Variants in BLVRA observed in about 807,000 individuals in gnomAD.
The protein encoded by BLVRA is biliverdin reductase A.
In BLVRA, 22 loss-of-function variants were observed where a neutral mutation model predicts 32.8. The observed-to-expected ratio is 0.67, with a 90% CI of 0.48 to 0.96. The LOEUF is 0.96. Among genes scored for constraint, BLVRA ranks in the 40% least tolerant of loss-of-function variants. The probability of loss-of-function intolerance (pLI) is 0.00; values close to 1 mark genes in which losing one functional copy is unlikely to be tolerated. For missense variants in BLVRA, 323 were observed against 358.1 expected (o/e 0.90, Z 0.79); for synonymous variants, 119 against 141.3 (o/e 0.84, Z 1.12).
chr7:43,794,579 A>T (rs923159281), intron 5 of BLVRA, among the ~76,000 whole-genome samples: 1 of 152,182 alleles, frequency 6.6e-6, no homozygotes, highest in East Asian at 1.9e-4. Flanking sequence ...TACTAAAAAT[A>T]AAAAAATTAG....
chr7:43,803,588 C>T, intron 6 of BLVRA, 88 bp from the exon 7 acceptor site: 1 of 1,451,472 alleles, frequency 6.9e-7, no homozygotes, highest in Non-Finnish European at 9.6e-7. Context: ...CACATCTTTT[C>T]ACACCCCCGC....
At chr7:43,772,387 T>C (rs990886099) in intron 2 of BLVRA, among the ~76,000 whole-genome samples, 7 of 152,234 alleles carry the variant, frequency 4.6e-5, no homozygotes, top group African/African-American at 1.7e-4. Context: ...TCCTTCGGTC[T>C]TATTGGCCAG....
At chr7:43,797,556 G>C (rs903865288) in intron 5 of BLVRA, among the ~76,000 whole-genome samples, 1 of 152,176 alleles carries the variant, frequency 6.6e-6, no homozygotes, top group Non-Finnish European at 1.5e-5. Flanking sequence ...GTGGTGGTCT[G>C]GAATGAAACC....
chr7:43,799,000 G>A (rs2095795825), intron 5 of BLVRA, among the ~76,000 whole-genome samples: 1 of 152,074 alleles, frequency 6.6e-6, no homozygotes, highest in Non-Finnish European at 1.5e-5. Context: ...GGCAGTGGGC[G>A]AAACTACCTG....
intron 1 of BLVRA, among the ~76,000 whole-genome samples, chr7:43,759,385 A>G (rs2095739850): frequency 6.6e-6 from 1 of 152,278 alleles, no homozygotes; most frequent in Non-Finnish European, 1.5e-5. Context: ...AATTATAAAA[A>G]GAATGAGACA....
chr7:43,789,876 C>CGTGT (rs141385505), intron 3 of BLVRA, among the ~76,000 whole-genome samples: 31,994 of 149,000 alleles, frequency 0.21, 4,011 homozygotes, highest in Non-Finnish European at 0.28. Context: ...GTGGTATGTA[C>CGTGT]GTGTGTGTGT....
intron 1 of BLVRA, among the ~76,000 whole-genome samples, chr7:43,763,263 C>G (rs1248381525): frequency 6.6e-6 from 1 of 152,188 alleles, no homozygotes; most frequent in East Asian, 1.9e-4. Flanking sequence ...CCTTCCAGAC[C>G]TGCTGTGGCC....
chr7:43,784,580 C>A (rs946914776), intron 2 of BLVRA, among the ~76,000 whole-genome samples: 1 of 151,020 alleles, frequency 6.6e-6, no homozygotes, highest in African/African-American at 2.4e-5. Flanking sequence ...ATTAAGATAC[C>A]AGTGTCTTCA....
rs1404895655 is a variant in BLVRA at position 43,759,116 on chromosome 7, C to T, written c.-22+382C>T. On this transcript the variant is annotated intron_variant, in intron 1 of 7. Coordinates refer to ENST00000265523, the MANE Select transcript of BLVRA (RefSeq NM_000712.4). ...CTCCAGGAGCGCGAGCGGCTGGGCCCGGGCGTAGCCACCGCAGGGCCGCTA... is the reference window on the plus strand; with the variant it reads ...CTCCAGGAGCGCGAGCGGCTGGGCCTGGGCGTAGCCACCGCAGGGCCGCTA... Among the ~76,000 whole-genome samples the T allele has an allele frequency of 4.6e-5, 7 of 152,318 alleles. No homozygotes were observed. The East Asian group carries it at 1.2e-3, about 25-fold the overall frequency.
intron 2 of BLVRA, among the ~76,000 whole-genome samples, chr7:43,778,441 G>C (rs1249907232): frequency 6.6e-6 from 1 of 152,204 alleles, no homozygotes; most frequent in Non-Finnish European, 1.5e-5. Context: ...CAGCAGCGGT[G>C]GCTGCAGTAC....
chr7:43,774,103 G>T (rs894950738), intron 2 of BLVRA, among the ~76,000 whole-genome samples: 2 of 152,158 alleles, frequency 1.3e-5, no homozygotes, highest in Non-Finnish European at 2.9e-5. Context: ...TGTTCACTCT[G>T]ATGGTAGTTT....
chr7:43,798,199 A>G (rs376738654), intron 5 of BLVRA, among the ~76,000 whole-genome samples: 1 of 108,626 alleles, frequency 9.2e-6, no homozygotes, highest in East Asian at 2.3e-4. Context: ...CCATCTCACA[A>G]AAAAAAAAAA....
intron 5 of BLVRA, among the ~76,000 whole-genome samples, chr7:43,799,083 AAAGCTTCTACTT>A (rs2095795913): frequency 6.6e-6 from 1 of 152,232 alleles, no homozygotes; most frequent in East Asian, 1.9e-4. Flanking sequence ...TTTGTGCCAG[AAAGCTTCTACTT>A]ATCACAAGAA....
intron 1 of BLVRA, among the ~76,000 whole-genome samples, chr7:43,762,003 TCTGAGG>T (rs2095742827): frequency 6.6e-6 from 1 of 152,136 alleles, no homozygotes; most frequent in African/African-American, 2.4e-5. Context: ...CCCTTAGACC[TCTGAGG>T]CTGGCAGCTG....
At chr7:43,792,839 C>G in intron 5 of BLVRA, 27 bp downstream of exon 5, 8 of 1,602,626 alleles carry the variant, frequency 5.0e-6, no homozygotes, top group Non-Finnish European at 6.8e-6. Flanking sequence ...AGAGTTTCTG[C>G]CTCCAGGATT....
chr7:43,800,460 T>C lies in BLVRA; in HGVS notation c.353-5T>C. On this transcript the variant is annotated splice_region_variant and splice_polypyrimidine_tract_variant and intron_variant, in intron 5 of 7. Coordinates refer to ENST00000265523, the MANE Select transcript of BLVRA (RefSeq NM_000712.4). Reference sequence around the variant, plus strand: ...GCCCTTTTTATTCCATTTTTGTCGTTACAGGAAAAGTCTTGCACGAGGAGC... The same window carrying C: ...GCCCTTTTTATTCCATTTTTGTCGTCACAGGAAAAGTCTTGCACGAGGAGC... 2 of 1,613,882 alleles carry C rather than the reference T, an allele frequency of 1.2e-6. No individual in the cohort carries two copies. Among genetic ancestry groups the C allele is most frequent in the Non-Finnish European group, 1.7e-6 (2 of 1,179,778 alleles).
At chr7:43,779,107 C>T (rs1379790767) in intron 2 of BLVRA, among the ~76,000 whole-genome samples, 5 of 152,228 alleles carry the variant, frequency 3.3e-5, no homozygotes, top group Admixed American at 3.3e-4. Context: ...TTGCGCTTCC[C>T]GAGTGAGGCA....
intron 2 of BLVRA, among the ~76,000 whole-genome samples, 170 bp downstream of exon 2, chr7:43,771,340 C>T (rs746581284): frequency 6.6e-6 from 1 of 152,178 alleles, no homozygotes. Context: ...AAGAACTAGG[C>T]CCCTCTGAGT....
intron 2 of BLVRA, among the ~76,000 whole-genome samples, chr7:43,772,548 T>C (rs1291003625): frequency 2.0e-5 from 3 of 152,218 alleles, no homozygotes; most frequent in East Asian, 1.9e-4. Context: ...GTATGAGACA[T>C]TCCTGGTCCA....
Sources: gnomAD v4.1 joint callset for allele counts (sites outside exome capture counted in the v4.1 genomes callset) on GRCh38, gnomAD v4.1.1 for gene constraint, MANE v1.5 for transcripts, NCBI Gene and HGNC (gene_info 2026-07-23, HGNC 2026-07-21) for gene names.